Variants in RAP1B observed in about 807,000 individuals in gnomAD.
RAP1B encodes the protein ras-related protein Rap-1b.
A neutral mutation model predicts 27.5 loss-of-function variants in RAP1B; 1 was observed. That is an observed-to-expected ratio of 0.04 (90% CI 0.01 to 0.17). The LOEUF (loss-of-function observed/expected upper bound fraction) is 0.17, where lower values mean the gene tolerates loss of function less well. Among genes scored for constraint, RAP1B ranks in the 10% least tolerant of loss-of-function variants. RAP1B has a pLI of 1.00. For synonymous variants in RAP1B, 75 were observed against 73.1 expected, an observed-to-expected ratio of 1.03 and a Z score of -0.13; for missense variants, 84 against 214.8, an observed-to-expected ratio of 0.39 and a Z score of 3.81.
intron 1 of RAP1B, among the ~76,000 whole-genome samples, chr12:68,640,133 C>T (rs537836307): frequency 6.6e-6 from 1 of 152,238 alleles, no homozygotes; most frequent in Non-Finnish European, 1.5e-5. Flanking sequence ...GCCACCATGC[C>T]CGGCCCAAAG....
At chr12:68,615,953 A>T (rs887848182) in intron 1 of RAP1B, among the ~76,000 whole-genome samples, 1 of 136,730 alleles carries the variant, frequency 7.3e-6, no homozygotes, top group African/African-American at 2.9e-5. Context: ...TAAAAACTCT[A>T]GTAAATAATT....
At chr12:68,638,245 CTG>C (rs756637149) in intron 1 of RAP1B, among the ~76,000 whole-genome samples, 54 of 152,236 alleles carry the variant, frequency 3.5e-4, no homozygotes, top group Admixed American at 1.0e-3. Context: ...GTCTTAATCT[CTG>C]TAACCAATTT....
At chr12:68,645,443 A>G (rs1177987101) in intron 1 of RAP1B, among the ~76,000 whole-genome samples, 1 of 152,244 alleles carries the variant, frequency 6.6e-6, no homozygotes, top group Admixed American at 6.5e-5. Context: ...AACTATTCCC[A>G]TTTTTAATTG....
At chr12:68,652,980 G>T (rs768156513) in intron 4 of RAP1B, among the ~76,000 whole-genome samples, 5 of 152,130 alleles carry the variant, frequency 3.3e-5, no homozygotes, top group Admixed American at 6.5e-5. Flanking sequence ...GAGGTCAAAG[G>T]GGGGTGGATC....
chr12:68,612,591 T>C (rs1289625218), intron 1 of RAP1B, among the ~76,000 whole-genome samples: 2 of 152,212 alleles, frequency 1.3e-5, no homozygotes, highest in Non-Finnish European at 2.9e-5. Context: ...GTTTTTATAG[T>C]GAATTATCAT....
At chr12:68,635,882 T>TGCA (rs10687175) in intron 1 of RAP1B, among the ~76,000 whole-genome samples, 9,402 of 126,830 alleles carry the variant, frequency 0.074, 722 homozygotes, top group African/African-American at 0.22. Flanking sequence ...GTTATACCCA[T>TGCA]GAAATTTTTT....
intron 1 of RAP1B, among the ~76,000 whole-genome samples, chr12:68,643,505 G>A (rs1873172479): frequency 1.3e-5 from 2 of 152,244 alleles, no homozygotes; most frequent in East Asian, 1.9e-4. Context: ...CAGTAGTTAA[G>A]CATCTCTTAG....
chr12:68,631,023 A>G (rs904033481), intron 1 of RAP1B, among the ~76,000 whole-genome samples: 5 of 152,040 alleles, frequency 3.3e-5, no homozygotes, highest in Non-Finnish European at 7.4e-5. Context: ...TTGTTAATAC[A>G]TGTGAGGTTG....
chr12:68,636,662 C>T (rs1383300770), intron 1 of RAP1B, among the ~76,000 whole-genome samples: 1 of 152,122 alleles, frequency 6.6e-6, no homozygotes, highest in Non-Finnish European at 1.5e-5. Context: ...AGTCTTCCCA[C>T]CTCAGCCTCC....
chr12:68,625,799 G>C (rs867059950), intron 1 of RAP1B, among the ~76,000 whole-genome samples: 4 of 152,072 alleles, frequency 2.6e-5, no homozygotes, highest in Non-Finnish European at 5.9e-5. Context: ...GCGCGCACCT[G>C]TAGTCCTAGC....
intron 1 of RAP1B, among the ~76,000 whole-genome samples, chr12:68,626,234 T>C (rs959244817): frequency 1.2e-4 from 19 of 152,204 alleles, no homozygotes; most frequent in Non-Finnish European, 2.6e-4. Flanking sequence ...TGGGTATGCT[T>C]TGTTCTGGAG....
At chr12:68,646,725 T>C (rs557895257) in intron 1 of RAP1B, among the ~76,000 whole-genome samples, 3 of 152,382 alleles carry the variant, frequency 2.0e-5, no homozygotes, top group African/African-American at 7.2e-5. Context: ...GCAGCAATAA[T>C]GAACAGATTT....
intron 1 of RAP1B, among the ~76,000 whole-genome samples, chr12:68,624,336 C>G (rs964083682): frequency 2.0e-5 from 3 of 152,044 alleles, no homozygotes; most frequent in Middle Eastern, 3.2e-3. Context: ...ATTGAGAGCT[C>G]ATAACTACAG....
chr12:68,658,656 C>T lies in RAP1B; in HGVS notation c.*31-624C>T, dbSNP rs908721559. ...GATTTTAGTGTAATACCACCTTTTTCTGACATCAGTCTTAATAGAATGTTT... is the reference window on the plus strand; with the variant it reads ...GATTTTAGTGTAATACCACCTTTTTTTGACATCAGTCTTAATAGAATGTTT... On this transcript the variant is annotated intron_variant, in intron 7 of 7. Transcript: ENST00000250559. Among the ~76,000 whole-genome samples, 7 of 151,088 alleles carry T rather than the reference C, an allele frequency of 4.6e-5. No individual in the cohort carries two copies. In the South Asian group the frequency reaches 1.4e-3, roughly 31 times the overall value.
Position 68,651,988 on chromosome 12 carries a change from C to T in RAP1B, c.127-7C>T. ...AAAATGAACATGTATTTTAATTTTT[C>T]TACCAGCAAGTTGAAGTAGATGCAC... On this transcript the variant is annotated splice_region_variant and splice_polypyrimidine_tract_variant and intron_variant, in intron 3 of 7. Coordinates refer to ENST00000250559, the MANE Select transcript of RAP1B (RefSeq NM_001010942.3). 6.2e-7 allele frequency: 1 copy of T among 1,609,780 alleles called. No homozygotes were observed.
At chr12:68,629,827 C>T (rs745633606) in intron 1 of RAP1B, among the ~76,000 whole-genome samples, 63 of 152,250 alleles carry the variant, frequency 4.1e-4, no homozygotes, top group Non-Finnish European at 5.1e-4. Context: ...GCATTCAGCA[C>T]GATCATTCTC....
intron 1 of RAP1B, chr12:68,626,913 G>A: frequency 6.4e-7 from 1 of 1,564,500 alleles, no homozygotes; most frequent in Admixed American, 1.7e-5. Context: ...GCCACGATTG[G>A]AAATGTACTT....
chr12:68,636,714 C>T (rs1000296038), intron 1 of RAP1B, among the ~76,000 whole-genome samples: 1 of 147,486 alleles, frequency 6.8e-6, no homozygotes, highest in Non-Finnish European at 1.5e-5. Flanking sequence ...GCCACCATGC[C>T]TATCCCTGCT....
intron 5 of RAP1B, among the ~76,000 whole-genome samples, chr12:68,655,407 T>C (rs1331769738): frequency 6.6e-6 from 1 of 152,168 alleles, no homozygotes; most frequent in Non-Finnish European, 1.5e-5. Context: ...GTAAATGCTT[T>C]TATTTTCTGG....
Sources: gnomAD v4.1 joint callset for allele counts (sites outside exome capture counted in the v4.1 genomes callset) on GRCh38, gnomAD v4.1.1 for gene constraint, MANE v1.5 for transcripts, NCBI Gene and HGNC (gene_info 2026-07-23, HGNC 2026-07-21) for gene names.